Variants in UBA6 observed in about 807,000 individuals in gnomAD.
The protein encoded by UBA6 is ubiquitin-like modifier-activating enzyme 6.
Under a neutral mutation model 148.3 loss-of-function variants are expected in UBA6, and 87 were observed. The observed-to-expected ratio is 0.59, with a 90% CI of 0.49 to 0.70. UBA6 has a LOEUF of 0.70. UBA6 is among the 30% of genes least tolerant of loss of function. UBA6 has a pLI of 0.00. For missense variants in UBA6, 1,186 were observed against 1,241.2 expected (o/e 0.96, Z 0.67); for synonymous variants, 376 against 401.0 (o/e 0.94, Z 0.75).
At position 67,696,765 on chromosome 4, in the gene UBA6, C is replaced by T. The variant is rs554593096; in HGVS notation, c.72-58G>A. The stretch of plus-strand genomic sequence containing the variant: ...CATTTTATAATGTAATATTTGATTA[C>T]TTGTGTGATCAGATTCACCAGTTAC... On this transcript the variant is annotated intron_variant, in intron 1 of 32. Transcript: ENST00000322244. The T allele has an allele frequency of 1.3e-5, 18 of 1,389,032 alleles. No individual in the cohort carries two copies. The African/African-American group carries it at 1.6e-4, about 12-fold the overall frequency. 86.0% of individuals were successfully genotyped at this position (1,389,032 alleles called of 1,614,324 possible). A position where few individuals can be genotyped will look rare whatever the true frequency, so the allele number is the denominator to read the frequency against.
intron 17 of UBA6, among the ~76,000 whole-genome samples, chr4:67,643,556 T>C (rs1185088259): frequency 1.3e-5 from 2 of 152,056 alleles, no homozygotes; most frequent in African/African-American, 2.4e-5. Context: ...CATTAGTGAC[T>C]TCTGTTTTTA....
At chr4:67,648,392 C>G (rs900909382) in intron 14 of UBA6, among the ~76,000 whole-genome samples, 1 of 149,114 alleles carries the variant, frequency 6.7e-6, no homozygotes, top group Non-Finnish European at 1.5e-5. Flanking sequence ...CGCGTGAACC[C>G]GGCAGACAGA....
chr4:67,623,364 T>C, intron 30 of UBA6, 142 bp from the exon 31 acceptor site: 1 of 614,778 alleles, frequency 1.6e-6, no homozygotes, highest in Non-Finnish European at 2.9e-6. Flanking sequence ...AAGGATAATA[T>C]ATCTTCTAAA....
At chr4:67,686,456 G>A (rs760288258) in intron 2 of UBA6, among the ~76,000 whole-genome samples, 2 of 152,110 alleles carry the variant, frequency 1.3e-5, no homozygotes, top group East Asian at 1.9e-4. Context: ...CCAGTCACTC[G>A]CTTGGGGTTC....
rs1336344649 is a variant in UBA6, at chr4:67,678,581, T to C, written c.259-48A>G. The C allele has an allele frequency of 1.1e-5, 11 of 1,026,234 alleles. No individual in the cohort carries two copies. The South Asian group carries it at 1.6e-4, about 15-fold the overall frequency. 63.6% of individuals were successfully genotyped at this position (1,026,234 alleles called of 1,614,324 possible). The stretch of plus-strand genomic sequence containing the variant: ...GGTTGAAGTCAGGAGTTCAAGGATA[T>C]GCACTCTCTCCAGTATTACTGACAA... On this transcript the variant is annotated intron_variant, in intron 4 of 32. Coordinates refer to ENST00000322244, the MANE Select transcript of UBA6 (RefSeq NM_018227.6).
chr4:67,681,719 C>T (rs112654197), intron 3 of UBA6, 128 bp from the exon 4 acceptor site: 3 of 635,190 alleles, frequency 4.7e-6, no homozygotes, highest in African/African-American at 3.8e-5. Context: ...ATACAAGTTC[C>T]TTGTCTTAAA....
intron 2 of UBA6, among the ~76,000 whole-genome samples, chr4:67,691,447 T>C (rs1730691729): frequency 6.6e-6 from 1 of 152,190 alleles, no homozygotes; most frequent in Non-Finnish European, 1.5e-5. Flanking sequence ...CCAGTTGCTA[T>C]TGTGGTGAGC....
intron 13 of UBA6, among the ~76,000 whole-genome samples, chr4:67,657,852 AAAAC>A (rs1332565782): frequency 2.6e-5 from 4 of 151,738 alleles, no homozygotes; most frequent in South Asian, 2.1e-4. Flanking sequence ...AAGAAAACAA[AAAAC>A]AAACAACCCC....
chr4:67,639,998 A>G (rs1729265587), intron 18 of UBA6, among the ~76,000 whole-genome samples: 1 of 152,178 alleles, frequency 6.6e-6, no homozygotes, highest in African/African-American at 2.4e-5. Flanking sequence ...TCTTTTCTTA[A>G]AAAGATTTAG....
intron 27 of UBA6, 148 bp from the exon 28 acceptor site, chr4:67,626,625 T>A (rs1025800340): frequency 5.1e-6 from 3 of 590,514 alleles, no homozygotes; most frequent in Non-Finnish European, 8.8e-6. Context: ...ATGTATTTTA[T>A]ACGTTCCTTT....
intron 8 of UBA6, among the ~76,000 whole-genome samples, chr4:67,669,398 G>A (rs911579909): frequency 1.3e-5 from 2 of 152,062 alleles, no homozygotes; most frequent in African/African-American, 4.8e-5. Context: ...ACAGTACTGG[G>A]TCTCCATCAC....
At chr4:67,694,350 T>G (rs1730780242) in intron 2 of UBA6, among the ~76,000 whole-genome samples, 1 of 150,812 alleles carries the variant, frequency 6.6e-6, no homozygotes, top group African/African-American at 2.4e-5. Context: ...GAGCTGGTTA[T>G]TGTGTGAAAA....
At chr4:67,694,297 A>C (rs1053771456) in intron 2 of UBA6, among the ~76,000 whole-genome samples, 1 of 149,118 alleles carries the variant, frequency 6.7e-6, no homozygotes, top group African/African-American at 2.4e-5. Context: ...AAAAAAAAAA[A>C]CCCTCAAACA....
rs1292608786 is a variant in UBA6 at position 67,632,946 on chromosome 4, A to C, written c.2142+399T>G. Among the ~76,000 whole-genome samples, 3 of 152,324 alleles carry C rather than the reference A, an allele frequency of 2.0e-5. 1 individual carries two copies. In the South Asian group the frequency reaches 6.2e-4, roughly 32 times the overall value. ...ATATTTAACTGGAGGTAAGAATAAC[A>C]GCTAATATTTAGTAATTTTTTATGT... On this transcript the variant is annotated intron_variant, in intron 23 of 32. Coordinates refer to ENST00000322244, the MANE Select transcript of UBA6 (RefSeq NM_018227.6).
intron 12 of UBA6, 44 bp from the exon 13 acceptor site, chr4:67,662,299 G>T (rs1489252716): frequency 6.5e-7 from 1 of 1,543,222 alleles, no homozygotes. Context: ...TTTCTCAACT[G>T]CCATAAACAG....
intron 30 of UBA6, 30 bp from the exon 31 acceptor site, chr4:67,623,252 C>T (rs1290446124): frequency 1.3e-6 from 2 of 1,554,500 alleles, no homozygotes; most frequent in African/African-American, 1.4e-5. Flanking sequence ...AGAACAGAAA[C>T]ATTGAAATTT....
At chr4:67,646,663 T>G in intron 15 of UBA6, 61 bp downstream of exon 15, 1 of 1,285,316 alleles carries the variant, frequency 7.8e-7, no homozygotes, top group Non-Finnish European at 1.1e-6. Context: ...AAGGTATGTT[T>G]AGACAAAACT....
chr4:67,635,693 T>C lies in UBA6; in HGVS notation c.1737-135A>G, dbSNP rs144913315. ...ATGCAGTATTTTAGGAAAACAGATA[T>C]ACTACTATCAAACAGTGGATCATTC... On this transcript the variant is annotated intron_variant, in intron 19 of 32. Coordinates refer to ENST00000322244, the MANE Select transcript of UBA6 (RefSeq NM_018227.6). 1,134 of 612,074 alleles carry C rather than the reference T, an allele frequency of 1.9e-3. 1 individual carries two copies. The highest frequency in any genetic ancestry group is 0.011 in the African/African-American group (592 of 54,438). 37.9% of individuals were successfully genotyped at this position (612,074 alleles called of 1,614,324 possible). A position where few individuals can be genotyped will look rare whatever the true frequency, so the allele number is the denominator to read the frequency against.
chr4:67,649,443 AT>A (rs549683238), intron 13 of UBA6, among the ~76,000 whole-genome samples: 151 of 152,270 alleles, frequency 9.9e-4, no homozygotes, highest in African/African-American at 3.2e-3. Flanking sequence ...TGGATTCTAT[AT>A]GTCACTCTAG....
Sources: gnomAD v4.1 joint callset for allele counts (sites outside exome capture counted in the v4.1 genomes callset) on GRCh38, gnomAD v4.1.1 for gene constraint, MANE v1.5 for transcripts, NCBI Gene and HGNC (gene_info 2026-07-23, HGNC 2026-07-21) for gene names.